Variants in IFT88 observed in about 807,000 individuals in gnomAD.
IFT88 encodes intraflagellar transport 88, also known as intraflagellar transport protein 88 homolog.
Under a neutral mutation model 119.5 loss-of-function variants are expected in IFT88, and 74 were observed. The observed-to-expected ratio is 0.62, with a 90% CI of 0.51 to 0.75. IFT88 has a LOEUF of 0.75. Ranked by LOEUF, IFT88 falls within the 30% of genes least tolerant of loss-of-function variation. IFT88 has a pLI of 0.00. For missense variants in IFT88, 961 were observed against 977.7 expected (o/e 0.98, Z 0.23); for synonymous variants, 279 against 316.7 (o/e 0.88, Z 1.26).
intron 24 of IFT88, among the ~76,000 whole-genome samples, chr13:20,680,202 T>C (rs933447098): frequency 1.3e-5 from 2 of 152,206 alleles, no homozygotes; most frequent in African/African-American, 4.8e-5. Context: ...AATTGTGTCA[T>C]GGAGATGTTA....
At chr13:20,617,611 A>G (rs1433094043) in intron 14 of IFT88, among the ~76,000 whole-genome samples, 1 of 152,146 alleles carries the variant, frequency 6.6e-6, no homozygotes, top group Non-Finnish European at 1.5e-5. Context: ...CTCTGTTGCC[A>G]GAGAGGCCCT....
chr13:20,595,712 A>T (rs1055976312), intron 7 of IFT88, among the ~76,000 whole-genome samples: 2 of 152,088 alleles, frequency 1.3e-5, no homozygotes, highest in Non-Finnish European at 2.9e-5. Flanking sequence ...ATCTATAACT[A>T]TTCTTGAAGT....
At chr13:20,602,500 G>A (rs2042772215) in intron 12 of IFT88, among the ~76,000 whole-genome samples, 1 of 151,952 alleles carries the variant, frequency 6.6e-6, no homozygotes, top group African/African-American at 2.4e-5. Flanking sequence ...CCTGGCCAAG[G>A]GTAATATCTT....
chr13:20,640,974 C>T (rs1005514371), intron 17 of IFT88, among the ~76,000 whole-genome samples: 5 of 152,084 alleles, frequency 3.3e-5, no homozygotes, highest in Non-Finnish European at 5.9e-5. Flanking sequence ...GGCAAAATCC[C>T]GTCTCTACTA....
At chr13:20,646,771 C>G (rs1566340013) in intron 20 of IFT88, among the ~76,000 whole-genome samples, 1 of 151,676 alleles carries the variant, frequency 6.6e-6, no homozygotes, top group Admixed American at 6.6e-5. Flanking sequence ...GTCTCAGCCT[C>G]CTTCTGACTT....
At chr13:20,599,426 C>T (rs763077654) in intron 10 of IFT88, 25 bp from the exon 11 acceptor site, 2 of 796,322 alleles carry the variant, frequency 2.5e-6, no homozygotes, top group Middle Eastern at 3.0e-4. Flanking sequence ...GAGTATTATA[C>T]ATTCATTAAA....
At chr13:20,652,477 A>G (rs1440614492) in intron 20 of IFT88, among the ~76,000 whole-genome samples, 1 of 152,044 alleles carries the variant, frequency 6.6e-6, no homozygotes, top group Non-Finnish European at 1.5e-5. Flanking sequence ...TTTAAAAAAA[A>G]ATAAAAACTA....
chr13:20,684,861 G>C (rs951643620), intron 24 of IFT88, among the ~76,000 whole-genome samples: 4 of 152,184 alleles, frequency 2.6e-5, no homozygotes, highest in African/African-American at 9.7e-5. Flanking sequence ...CTGTCGCTTC[G>C]GGGCGACCCT....
chr13:20,640,209 T>G (rs2049664340), intron 17 of IFT88, among the ~76,000 whole-genome samples: 2 of 152,172 alleles, frequency 1.3e-5, no homozygotes, highest in Admixed American at 1.3e-4. Flanking sequence ...ATACTCTTCT[T>G]ATAGCTTTGT....
chr13:20,601,672 A>G (rs1336222138), intron 11 of IFT88, 33 bp from the exon 12 acceptor site: 2 of 1,446,022 alleles, frequency 1.4e-6, no homozygotes, highest in African/African-American at 1.4e-5. Flanking sequence ...AGAGTTCAGA[A>G]TTTTAAAGCT....
intron 22 of IFT88, among the ~76,000 whole-genome samples, chr13:20,661,432 A>C (rs1410410684): frequency 6.6e-6 from 1 of 152,212 alleles, no homozygotes; most frequent in Non-Finnish European, 1.5e-5. Context: ...AAAAAAAGAC[A>C]GTTTATAAAA....
chr13:20,671,030 G>T lies in IFT88; in HGVS notation c.2233G>T (p.Ala745Ser). The T allele has an allele frequency of 6.2e-7, 1 of 1,613,780 alleles. No homozygotes were observed. Residue 745 changes from alanine to serine, a missense_variant, in exon 24 of 26, where the codon GCT becomes TCT. Ala to Ser is a moderately conservative substitution (Grantham distance 99, BLOSUM62 1). Coordinates refer to ENST00000351808, the MANE Select transcript of IFT88 (RefSeq NM_006531.5). ...CTCCCGTGGCAAAAGAGAAGGAAGT[G>T]CTAGCGGTGGTAAGTATTTTCTCTT... ...GGSRGKREGS[A>S]SGDSGQNYSA...
chr13:20,604,939 G>C, intron 12 of IFT88, 96 bp from the exon 13 acceptor site: 1 of 599,128 alleles, frequency 1.7e-6, no homozygotes, highest in Non-Finnish European at 3.0e-6. Flanking sequence ...CTGGGCAATA[G>C]AGTGAGGCTG....
intron 17 of IFT88, among the ~76,000 whole-genome samples, chr13:20,639,786 C>CTTTTTTT (rs34190452): frequency 6.4e-5 from 7 of 109,450 alleles, no homozygotes; most frequent in African/African-American, 1.0e-4. Flanking sequence ...TAAAATTTGT[C>CTTTTTTT]TTTTTTTTTT....
chr13:20,590,900 A>C, intron 4 of IFT88, 67 bp from the exon 5 acceptor site: 6 of 1,086,086 alleles, frequency 5.5e-6, no homozygotes, highest in Non-Finnish European at 8.3e-6. Context: ...AACTTCTATA[A>C]CTTGGTTTAA....
chr13:20,607,323 C>G (rs2043660943), intron 13 of IFT88: 2 of 483,096 alleles, frequency 4.1e-6, no homozygotes, highest in African/African-American at 3.9e-5. Flanking sequence ...GCATCCCTGT[C>G]AGTGCACGTC....
chr13:20,568,013 TA>T (rs1402769479), intron 1 of IFT88: 1 of 713,212 alleles, frequency 1.4e-6, no homozygotes. Context: ...CGATGAGCTT[TA>T]AAAAAAATCG....
At chr13:20,609,067 T>C (rs989011303) in intron 13 of IFT88, among the ~76,000 whole-genome samples, 3 of 152,190 alleles carry the variant, frequency 2.0e-5, no homozygotes, top group African/African-American at 7.2e-5. Context: ...ATGTTGCATT[T>C]TTCTAGGGAA....
intron 19 of IFT88, among the ~76,000 whole-genome samples, chr13:20,643,837 T>G (rs1566326401): frequency 6.6e-6 from 1 of 152,338 alleles, no homozygotes; most frequent in East Asian, 1.9e-4. Context: ...CACTGCAGCC[T>G]CCTCCTCCTG....
Sources: allele counts gnomAD v4.1 joint callset (sites outside exome capture counted in the v4.1 genomes callset), GRCh38; gene constraint gnomAD v4.1.1; transcripts MANE v1.5; gene names NCBI Gene and HGNC (gene_info 2026-07-23, HGNC 2026-07-21).